SPOCK1: variants seen among roughly 807,000 people sequenced by gnomAD.
SPOCK1 encodes the protein testican-1.
In SPOCK1, 23 loss-of-function variants were observed where a neutral mutation model predicts 55.3. That is an observed-to-expected ratio of 0.42 (90% CI 0.30 to 0.59). The LOEUF is 0.59. Ranked by LOEUF, SPOCK1 falls within the 20% of genes least tolerant of loss-of-function variation. SPOCK1 has a pLI of 0.22. For missense variants in SPOCK1, 499 were observed against 552.5 expected (o/e 0.90, Z 0.97); for synonymous variants, 226 against 221.0 (o/e 1.02, Z -0.20).
At chr5:137,386,158 A>G (rs921756047) in intron 2 of SPOCK1, among the ~76,000 whole-genome samples, 2 of 152,254 alleles carry the variant, frequency 1.3e-5, no homozygotes, top group African/African-American at 4.8e-5. Context: ...GAAATACTCA[A>G]GTATAAATCT....
At chr5:137,060,711 T>C (rs1210316870) in intron 6 of SPOCK1, among the ~76,000 whole-genome samples, 3 of 152,116 alleles carry the variant, frequency 2.0e-5, no homozygotes, top group Non-Finnish European at 4.4e-5. Flanking sequence ...AGCACAAACC[T>C]CTATCCCGTT....
intron 2 of SPOCK1, among the ~76,000 whole-genome samples, chr5:137,454,458 A>T (rs1215040709): frequency 6.6e-6 from 1 of 152,192 alleles, no homozygotes; most frequent in African/African-American, 2.4e-5. Context: ...AAAGACCCTA[A>T]AGGAAAGGCC....
rs1048494930 is a variant in SPOCK1, at chr5:137,140,591, G to C, written c.336C>G (p.His112Gln). Residue 112 changes from histidine to glutamine, a missense_variant, in exon 4 of 11, where the codon CAC becomes CAG. Physicochemically the swap from His to Gln is conservative, Grantham distance 24. Around this residue, in one of 3 missense-constraint regions of SPOCK1, gnomAD observed 386 missense variants for 400.6 expected, o/e 0.96. Coordinates refer to ENST00000394945, the MANE Select transcript of SPOCK1 (RefSeq NM_004598.4). The stretch of plus-strand genomic sequence containing the variant: ...CCTTCCTGCCTTACCTGGGGAGCAG[G>C]TGCTTGCGGCTGACACACAGGGCGG... ...YQTALCVSRK[H>Q]LLPRQKKGNV... 1.2e-6 allele frequency: 2 copies of C among 1,613,252 alleles called. No individual in the cohort carries two copies. The highest frequency in any genetic ancestry group is 1.1e-5 in the South Asian group (1 of 90,858).
chr5:137,214,087 C>T (rs1050612843), intron 3 of SPOCK1, among the ~76,000 whole-genome samples: 15 of 152,172 alleles, frequency 9.9e-5, no homozygotes, highest in African/African-American at 3.6e-4. Flanking sequence ...CAGGGTCGAA[C>T]ACATAATAAG....
intron 2 of SPOCK1, among the ~76,000 whole-genome samples, chr5:137,442,763 C>T (rs1753041863): frequency 6.6e-6 from 1 of 152,232 alleles, no homozygotes; most frequent in Non-Finnish European, 1.5e-5. Context: ...TATAGTAGAT[C>T]CTCTGTGCCT....
At chr5:137,128,441 C>G (rs575561894) in intron 4 of SPOCK1, among the ~76,000 whole-genome samples, 3 of 152,302 alleles carry the variant, frequency 2.0e-5, no homozygotes, top group Admixed American at 6.5e-5. Flanking sequence ...CTGATTGTTC[C>G]CTGAGGAACT....
chr5:137,132,021 A>T (rs7712526), intron 4 of SPOCK1, among the ~76,000 whole-genome samples: 7,933 of 65,732 alleles, frequency 0.12, 726 homozygotes, highest in East Asian at 0.17. Context: ...TATATATATA[A>T]AAAATTAGCT....
intron 2 of SPOCK1, among the ~76,000 whole-genome samples, chr5:137,401,645 T>C (rs1408991651): frequency 6.6e-6 from 1 of 151,628 alleles, no homozygotes; most frequent in Non-Finnish European, 1.5e-5. Context: ...CTTGGAAGGA[T>C]GAAGCAAGAG....
chr5:137,384,971 C>A (rs1751569357), intron 2 of SPOCK1, among the ~76,000 whole-genome samples: 1 of 152,138 alleles, frequency 6.6e-6, no homozygotes. Context: ...GGGGGCGGTG[C>A]ATAATTCAGT....
At chr5:137,241,244 A>G (rs1756274432) in intron 3 of SPOCK1, among the ~76,000 whole-genome samples, 1 of 152,234 alleles carries the variant, frequency 6.6e-6, no homozygotes, top group Non-Finnish European at 1.5e-5. Flanking sequence ...TAATAAATAC[A>G]AACACATAAC....
chr5:136,993,885 C>T (rs1002713988), intron 6 of SPOCK1, among the ~76,000 whole-genome samples: 1 of 152,148 alleles, frequency 6.6e-6, no homozygotes, highest in Non-Finnish European at 1.5e-5. Flanking sequence ...AGGTGATCAG[C>T]CCCCATCGGC....
At chr5:137,306,858 G>A (rs1757709292) in intron 2 of SPOCK1, among the ~76,000 whole-genome samples, 1 of 152,036 alleles carries the variant, frequency 6.6e-6, no homozygotes, top group African/African-American at 2.4e-5. Context: ...TTATAAAGAA[G>A]GCCACTATGT....
At chr5:137,230,539 T>C (rs908612370) in intron 3 of SPOCK1, among the ~76,000 whole-genome samples, 2 of 152,242 alleles carry the variant, frequency 1.3e-5, no homozygotes, top group Admixed American at 6.5e-5. Flanking sequence ...TTAAAAAATA[T>C]ATAGCATCAG....
At chr5:137,171,694 G>A (rs1332070157) in intron 3 of SPOCK1, among the ~76,000 whole-genome samples, 2 of 152,236 alleles carry the variant, frequency 1.3e-5, no homozygotes, top group South Asian at 2.1e-4. Flanking sequence ...AAAACCTCAC[G>A]CTGGCACACG....
intron 4 of SPOCK1, 69 bp downstream of exon 4, chr5:137,140,511 C>A (rs771298566): frequency 6.7e-6 from 9 of 1,348,792 alleles, no homozygotes; most frequent in Non-Finnish European, 9.2e-6. Flanking sequence ...ACGTCAAAGA[C>A]TGGAAACCCT....
chr5:136,980,946 GTTTTGATTTACCT>G (rs1487721615), intron 9 of SPOCK1, among the ~76,000 whole-genome samples: 4 of 151,800 alleles, frequency 2.6e-5, no homozygotes, highest in African/African-American at 9.7e-5. Flanking sequence ...TTTGATTTTG[GTTTTGATTTACCT>G]GGGTCTTCTG....
rs553287655 is a variant in SPOCK1 at position 137,376,612 on chromosome 5, G to T, written c.187-109557C>A. Among the ~76,000 whole-genome samples the T allele has an allele frequency of 2.0e-3, 308 of 152,248 alleles. 1 individual carries two copies. The highest frequency in any genetic ancestry group is 3.4e-3 in the Non-Finnish European group (229 of 68,018). On this transcript the variant is annotated intron_variant, in intron 2 of 10. Transcript: ENST00000394945. Reference sequence around the variant, plus strand: ...TTTCACTTTTTAGCTCCTTGTAGAAGATTCTTTTTCATGAAAAACCCCTTC... The same window carrying T: ...TTTCACTTTTTAGCTCCTTGTAGAATATTCTTTTTCATGAAAAACCCCTTC...
chr5:137,143,213 T>C (rs961062285), intron 3 of SPOCK1, among the ~76,000 whole-genome samples: 8 of 151,770 alleles, frequency 5.3e-5, no homozygotes, highest in Non-Finnish European at 1.0e-4. Flanking sequence ...TTCACTTGAG[T>C]GGATGTCAGA....
chr5:137,432,950 T>C (rs1260327165), intron 2 of SPOCK1, among the ~76,000 whole-genome samples: 1 of 152,132 alleles, frequency 6.6e-6, no homozygotes, highest in East Asian at 1.9e-4. Flanking sequence ...GATGAACATA[T>C]CTAAAAGGCA....
Sources: allele counts gnomAD v4.1 joint callset (sites outside exome capture counted in the v4.1 genomes callset), GRCh38; gene constraint gnomAD v4.1.1; regional missense constraint gnomAD v4.1.1; transcripts MANE v1.5; gene names NCBI Gene and HGNC (gene_info 2026-07-23, HGNC 2026-07-21).